Variants in NAT10 observed in about 807,000 individuals in gnomAD.
NAT10 encodes N-acetyltransferase 10.
NAT10 carries 109 observed loss-of-function variants against 132.2 expected under a neutral mutation model. The observed-to-expected ratio is 0.82, with a 90% CI of 0.71 to 0.97. NAT10 has a LOEUF of 0.97. Ranked by LOEUF, NAT10 falls within the 50% of genes least tolerant of loss-of-function variation. The pLI, the probability that NAT10 is intolerant of heterozygous loss-of-function variation, is 0.00. For missense variants in NAT10, 1,184 were observed against 1,263.4 expected (o/e 0.94, Z 0.95); for synonymous variants, 479 against 478.0 (o/e 1.00, Z -0.03).
chr11:34,115,280 A>G (rs1851765422), intron 5 of NAT10, among the ~76,000 whole-genome samples: 3 of 152,206 alleles, frequency 2.0e-5, no homozygotes, highest in African/African-American at 7.2e-5. Flanking sequence ...TTGAGAGTGA[A>G]TGAATGACTT....
Position 34,136,987 on chromosome 11 carries a change from A to G in NAT10, c.2172A>G (p.Lys724=), listed in dbSNP as rs1252528977. The change falls in exon 21 of 29, where the codon AAA becomes AAG. Residue 724 remains lysine (K), a synonymous_variant. Coordinates refer to ENST00000257829, the MANE Select transcript of NAT10 (RefSeq NM_024662.3). Reference sequence around the variant, plus strand: ...CTTTGTATCTTTGCAGGTTCTGGAAACGAGCTGGATTTGTTCCTGTTTATC... The same window carrying G: ...CTTTGTATCTTTGCAGGTTCTGGAAGCGAGCTGGATTTGTTCCTGTTTATC... The part of the protein sequence containing the change: ...GLTPRLLKFW[K]RAGFVPVYLR... 6.2e-7 allele frequency: 1 copy of G among 1,614,040 alleles called. No homozygotes were observed. The highest frequency in any genetic ancestry group is 8.5e-7 in the Non-Finnish European group (1 of 1,180,036).
chr11:34,129,609 T>A (rs1852067770), intron 12 of NAT10, among the ~76,000 whole-genome samples: 1 of 131,834 alleles, frequency 7.6e-6, no homozygotes, highest in African/African-American at 3.0e-5. Flanking sequence ...CTTTTTTTTT[T>A]TTTTTTTTTT....
In NAT10 at chr11:34,146,215, T is replaced by A. The variant is rs774951413; in HGVS notation, c.*23T>A. On this transcript the variant is annotated 3_prime_UTR_variant, in exon 29 of 29. Transcript: ENST00000257829. ...TAGTGAAGAGAAACTCGGGCATCTG[T>A]GTTTGATCATGGGAAGATACTCTCA... 4 of 1,512,946 alleles carry A rather than the reference T, an allele frequency of 2.6e-6. No homozygotes were observed. The highest frequency in any genetic ancestry group is 2.7e-6 in the Non-Finnish European group (3 of 1,105,270). 93.7% of individuals were successfully genotyped at this position (1,512,946 alleles called of 1,614,324 possible).
chr11:34,131,318 T>A, intron 13 of NAT10, 63 bp from the exon 14 acceptor site: 1 of 1,534,756 alleles, frequency 6.5e-7, no homozygotes, highest in Non-Finnish European at 8.8e-7. Flanking sequence ...TTTTCCTTGC[T>A]TTTTTAGACA....
intron 25 of NAT10, 143 bp from the exon 26 acceptor site, chr11:34,141,576 T>C: frequency 5.5e-6 from 4 of 725,734 alleles, no homozygotes; most frequent in South Asian, 3.7e-5. Flanking sequence ...TTCCCGCTAA[T>C]ATCCACATTC....
chr11:34,145,078 C>T (rs1355012402), intron 28 of NAT10, among the ~76,000 whole-genome samples: 1 of 152,216 alleles, frequency 6.6e-6, no homozygotes. Context: ...GCAAATGTAG[C>T]ACAGGGCCCA....
intron 14 of NAT10, among the ~76,000 whole-genome samples, 164 bp from the exon 15 acceptor site, chr11:34,131,961 G>A (rs1378871294): frequency 6.6e-6 from 1 of 152,082 alleles, no homozygotes; most frequent in Admixed American, 6.5e-5. Context: ...TGGGATTACC[G>A]GTGTGAGCCA....
chr11:34,118,476 G>C lies in NAT10; in HGVS notation c.753G>C (p.Leu251Phe). 2 of 1,613,990 alleles carry C rather than the reference G, an allele frequency of 1.2e-6. No individual in the cohort carries two copies. The highest frequency in any genetic ancestry group is 1.7e-6 in the Non-Finnish European group (2 of 1,179,942). The change falls in exon 8 of 29, where the codon TTG (leucine) becomes TTC (phenylalanine). Residue 251 changes from leucine (L) to phenylalanine (F), a missense_variant. Coordinates refer to ENST00000257829, the MANE Select transcript of NAT10 (RefSeq NM_024662.3). Reference sequence around the variant, plus strand: ...AGGACACCCAGCCTGTGGGTGTGTTGGTGGACTGCTGTAAGACTCTAGACC... The same window carrying C: ...AGGACACCCAGCCTGTGGGTGTGTTCGTGGACTGCTGTAAGACTCTAGACC... Reference protein sequence around the residue: ...SLQDTQPVGVLVDCCKTLDQA... With the variant: ...SLQDTQPVGVFVDCCKTLDQA...
intron 6 of NAT10, among the ~76,000 whole-genome samples, chr11:34,116,406 ATTTATT>A (rs1289787147): frequency 6.6e-6 from 1 of 151,948 alleles, no homozygotes; most frequent in Non-Finnish European, 1.5e-5. Flanking sequence ...ATTTGTATGT[ATTTATT>A]TTTATTTTAT....
At chr11:34,114,175 C>CA (rs1185793912) in intron 5 of NAT10, among the ~76,000 whole-genome samples, 3 of 151,968 alleles carry the variant, frequency 2.0e-5, no homozygotes, top group Non-Finnish European at 4.4e-5. Context: ...TTGTGTATTG[C>CA]AAAAAAAGGA....
chr11:34,124,059 C>T (rs1044229802), intron 10 of NAT10, among the ~76,000 whole-genome samples: 51 of 152,232 alleles, frequency 3.4e-4, no homozygotes, highest in Non-Finnish European at 1.2e-4. Context: ...ATCCCAGCTA[C>T]TTGGGAGGCT....
In NAT10 at chr11:34,123,805, C is replaced by T. The variant is rs776208510; in HGVS notation, c.958C>T (p.His320Tyr). 4 of 1,611,754 alleles carry T rather than the reference C, an allele frequency of 2.5e-6. No individual in the cohort carries two copies. The highest frequency in any genetic ancestry group is 3.4e-6 in the Non-Finnish European group (4 of 1,177,822). Residue 320 changes from histidine (H) to tyrosine (Y), a missense_variant, in exon 10 of 29, where the codon CAT (histidine) becomes TAT (tyrosine). Coordinates refer to ENST00000257829, the MANE Select transcript of NAT10 (RefSeq NM_024662.3). ...FVTSPSPDNL[H>Y]TLFEFVFKGF... ...TACCTCCCCAAGCCCTGATAACCTCCATACTCTGTTTGAATTTGTATTTAA... is the reference window on the plus strand; with the variant it reads ...TACCTCCCCAAGCCCTGATAACCTCTATACTCTGTTTGAATTTGTATTTAA...
intron 3 of NAT10, among the ~76,000 whole-genome samples, chr11:34,109,172 T>G (rs1488400624): frequency 6.6e-6 from 1 of 152,086 alleles, no homozygotes; most frequent in East Asian, 1.9e-4. Flanking sequence ...TCCCCTTCTT[T>G]CATGGAGGGG....
At position 34,146,605 on chromosome 11, in the gene NAT10, T is replaced by A. The variant is rs939313417; in HGVS notation, c.*413T>A. 3.8e-5 allele frequency: 6 copies of A among 157,638 alleles called. No homozygotes were observed. Among genetic ancestry groups the A allele is most frequent in the Non-Finnish European group, 5.6e-5 (4 of 71,276 alleles). 9.8% of individuals were successfully genotyped at this position (157,638 alleles called of 1,614,324 possible). Reference sequence around the variant, plus strand: ...GCCCAGGAGGCTGCTGCTGGGCCGCTGGGTCTCTCTTTGTGGACTTGTACC... The same window carrying A: ...GCCCAGGAGGCTGCTGCTGGGCCGCAGGGTCTCTCTTTGTGGACTTGTACC... On this transcript the variant is annotated 3_prime_UTR_variant, in exon 29 of 29. Coordinates refer to ENST00000257829, the MANE Select transcript of NAT10 (RefSeq NM_024662.3).
rs139546360 is a variant in NAT10 at position 34,146,181 on chromosome 11, C to T, written c.3067C>T (p.Arg1023Trp). 302 of 1,600,170 alleles carry T rather than the reference C, an allele frequency of 1.9e-4. 1 individual carries two copies. The highest frequency in any genetic ancestry group is 3.3e-4 in the Middle Eastern group (2 of 6,038). ...TKNKKDMKLKRKK is the reference protein window; with the variant it reads ...TKNKKDMKLKWKK ...GAACAAAAAAGATATGAAACTGAAG[C>T]GGAAGAAATAGTGAAGAGAAACTCG... Residue 1023 changes from arginine to tryptophan, a missense_variant, in exon 29 of 29, where the codon CGG (arginine) becomes TGG (tryptophan). Arg to Trp is a moderately radical substitution (Grantham distance 101, BLOSUM62 -3). Transcript: ENST00000257829.
In NAT10 at chr11:34,130,926, G is replaced by C. The variant is rs1313284738; in HGVS notation, c.1358G>C (p.Arg453Thr). The C allele has an allele frequency of 6.2e-7, 1 of 1,614,052 alleles. No individual in the cohort carries two copies. The highest frequency in any genetic ancestry group is 1.1e-5 in the South Asian group (1 of 91,028). ...GAGAATAAGACCACGACGACAGCCA[G>C]ATTGGCATCAGGTACCCCAGAACCT... ...TAENKTTTTARLASARTLYEV... is the reference protein window; with the variant it reads ...TAENKTTTTATLASARTLYEV... The change falls in exon 13 of 29, where the codon AGA becomes ACA. Residue 453 changes from arginine (R) to threonine (T), a missense_variant. Transcript: ENST00000257829.
In NAT10 at chr11:34,143,504, AC is replaced by A. The variant is rs780991954; in HGVS notation, c.2946del (p.Asn982LysfsTer7). 1 of 1,614,094 alleles carries A rather than the reference AC, an allele frequency of 6.2e-7. No homozygotes were observed. The highest frequency in any genetic ancestry group is 1.7e-5 in the Admixed American group (1 of 60,018). On this transcript the variant is annotated frameshift_variant, in exon 28 of 29. Coordinates refer to ENST00000257829, the MANE Select transcript of NAT10 (RefSeq NM_024662.3). LOFTEE classifies it high-confidence loss of function. ...GAAGTTTTGAACAAAGCTGGGCCGA[AC>A]GCCTCGATCATCAGCCTGAAAAGGT... Reference protein sequence around the residue: ...WNEVLNKAGPNASIISLKSDK... With the variant: ...WNEVLNKAGPXASIISLKSDK...
At chr11:34,108,658 C>A in intron 2 of NAT10, 84 bp from the exon 3 acceptor site, 3 of 1,289,672 alleles carry the variant, frequency 2.3e-6, no homozygotes, top group Admixed American at 2.1e-5. Flanking sequence ...GTTTAGTTTC[C>A]ACATCCGTCA....
chr11:34,136,957 A>T (rs1852229028), intron 20 of NAT10, 21 bp from the exon 21 acceptor site: 7 of 1,613,904 alleles, frequency 4.3e-6, no homozygotes, highest in Non-Finnish European at 5.1e-6. Flanking sequence ...ACAGTGACCT[A>T]CTGTCTTTGT....
Sources: gnomAD v4.1 joint callset for allele counts (sites outside exome capture counted in the v4.1 genomes callset) on GRCh38, gnomAD v4.1.1 for gene constraint, MANE v1.5 for transcripts, NCBI Gene and HGNC (gene_info 2026-07-23, HGNC 2026-07-21) for gene names.